DNAH9: variants seen among roughly 807,000 people sequenced by gnomAD.
DNAH9 encodes the protein DNAH9 variant protein.
DNAH9 carries 345 observed loss-of-function variants against 471.6 expected under a neutral mutation model. That is an observed-to-expected ratio of 0.73 (90% confidence interval 0.67 to 0.80). The LOEUF (loss-of-function observed/expected upper bound fraction) is 0.80. Among genes scored for constraint, DNAH9 ranks in the 30% least tolerant of loss-of-function variants. DNAH9 has a pLI of 0.00. For synonymous variants in DNAH9, 2,093 were observed against 2,123.6 expected, an observed-to-expected ratio of 0.99 and a Z score of 0.40; for missense variants, 5,407 against 5,609.2, an observed-to-expected ratio of 0.96 and a Z score of 1.15.
chr17:11,923,462 C>A (rs1019179782), intron 61 of DNAH9, among the ~76,000 whole-genome samples: 1 of 152,064 alleles, frequency 6.6e-6, no homozygotes, highest in African/African-American at 2.4e-5. Context: ...CAGGCGCCCA[C>A]CACCACGCCC....
Position 11,694,420 on chromosome 17 carries a change from C to T in DNAH9, c.4845C>T (p.Ile1615=), listed in dbSNP as rs992007665. ...TCTCCTCCTCCGATCTGTTAGACAT[C>T]CTTTCCAACGGCACAGCTCCACAAC... is the stretch of plus-strand genomic sequence containing the variant. The part of the protein sequence containing the change: ...YFLSSSDLLD[I]LSNGTAPQQV... Residue 1615 remains isoleucine, a synonymous_variant, in exon 22 of 69, where the codon ATC becomes ATT. Coordinates refer to ENST00000262442, the MANE Select transcript of DNAH9 (RefSeq NM_001372.4). The T allele has an allele frequency of 6.2e-7, 1 of 1,613,146 alleles. No individual in the cohort carries two copies. Among genetic ancestry groups the T allele is most frequent in the African/African-American group, 1.3e-5 (1 of 74,650 alleles).
intron 24 of DNAH9, among the ~76,000 whole-genome samples, chr17:11,703,948 G>A (rs1375507829): frequency 6.6e-6 from 1 of 152,192 alleles, no homozygotes; most frequent in Non-Finnish European, 1.5e-5. Context: ...CTTGATCAGA[G>A]TCAATCTTGG....
chr17:11,680,976 T>C, intron 19 of DNAH9, 87 bp downstream of exon 19: 1 of 1,247,454 alleles, frequency 8.0e-7, no homozygotes. Context: ...GTGTGTATTC[T>C]TCCAGCAGCT....
chr17:11,696,502 T>C (rs2018568), intron 22 of DNAH9, among the ~76,000 whole-genome samples: 1 of 151,910 alleles, frequency 6.6e-6, no homozygotes, highest in Non-Finnish European at 1.5e-5. Flanking sequence ...TGGATACATA[T>C]GTAGTCTTGT....
chr17:11,831,266 AGCT>A (rs1970676712), intron 48 of DNAH9, among the ~76,000 whole-genome samples: 1 of 152,172 alleles, frequency 6.6e-6, no homozygotes, highest in Non-Finnish European at 1.5e-5. Flanking sequence ...GAAGGCCTCA[AGCT>A]GCTTCTTTTC....
In DNAH9 at chr17:11,771,349, G is replaced by A. The variant is rs556490267; in HGVS notation, c.7552+2020G>A. On this transcript the variant is annotated intron_variant, in intron 38 of 68. Transcript: ENST00000262442. ...TCACCATGTTGGCCAGGCTGGTCTC[G>A]AACTCCTGACCTCAGGTGATCCACC... 5.9e-5 allele frequency among the ~76,000 whole-genome samples: 9 copies of A among 152,230 alleles called. No homozygotes were observed. In the East Asian group the frequency reaches 1.5e-3, roughly 26 times the overall value.
intron 26 of DNAH9, among the ~76,000 whole-genome samples, 162 bp from the exon 27 acceptor site, chr17:11,719,172 C>T (rs150982134): frequency 9.6e-4 from 146 of 152,120 alleles, no homozygotes; most frequent in African/African-American, 3.1e-3. Context: ...TGAGCTTGCC[C>T]GCTAAAGAGT....
At chr17:11,767,636 G>A (rs1968009751) in intron 36 of DNAH9, among the ~76,000 whole-genome samples, 1 of 151,938 alleles carries the variant, frequency 6.6e-6, no homozygotes, top group South Asian at 2.1e-4. Flanking sequence ...AGTTCAGTGT[G>A]TTTAAAGAAT....
intron 2 of DNAH9, 91 bp from the exon 3 acceptor site, chr17:11,610,305 G>A: frequency 2.0e-6 from 2 of 996,528 alleles, no homozygotes; most frequent in South Asian, 4.0e-5. Context: ...TTTAAATTTG[G>A]GATTCTGTCT....
intron 27 of DNAH9, among the ~76,000 whole-genome samples, chr17:11,723,961 C>G (rs1216977286): frequency 6.6e-6 from 1 of 152,204 alleles, no homozygotes; most frequent in Admixed American, 6.5e-5. Context: ...GCGTGAGCCA[C>G]TGTGCCCGGC....
At chr17:11,669,820 C>T (rs372298838) in intron 17 of DNAH9, 26 bp downstream of exon 17, 1 of 1,594,260 alleles carries the variant, frequency 6.3e-7, no homozygotes, top group Non-Finnish European at 8.6e-7. Context: ...TCACTTTCTT[C>T]CAGCATGCTA....
At chr17:11,689,094 C>CAAA (rs113884616) in intron 19 of DNAH9, among the ~76,000 whole-genome samples, 2 of 147,398 alleles carry the variant, frequency 1.4e-5, no homozygotes, top group African/African-American at 5.0e-5. Flanking sequence ...GACTCTGTCT[C>CAAA]AAAAAAAAAA....
intron 17 of DNAH9, among the ~76,000 whole-genome samples, chr17:11,674,907 C>T (rs903545776): frequency 6.6e-6 from 1 of 152,108 alleles, no homozygotes; most frequent in Non-Finnish European, 1.5e-5. Flanking sequence ...CTATATCTGG[C>T]AGGGCAGGTC....
chr17:11,764,803 G>A (rs1016629383), intron 36 of DNAH9, among the ~76,000 whole-genome samples: 3 of 152,154 alleles, frequency 2.0e-5, no homozygotes, highest in African/African-American at 7.2e-5. Context: ...ATAAGAGCAT[G>A]GAAGGGAACT....
At chr17:11,710,976 T>C (rs1408679662) in intron 26 of DNAH9, among the ~76,000 whole-genome samples, 1 of 152,214 alleles carries the variant, frequency 6.6e-6, no homozygotes, top group Non-Finnish European at 1.5e-5. Flanking sequence ...TTAAACTCTC[T>C]CATATATCAT....
intron 10 of DNAH9, among the ~76,000 whole-genome samples, chr17:11,643,313 A>G (rs1408638736): frequency 6.6e-6 from 1 of 152,126 alleles, no homozygotes; most frequent in Non-Finnish European, 1.5e-5. Flanking sequence ...TGTGTATTAC[A>G]TGTGCACATG....
At chr17:11,839,839 A>G (rs531473534) in intron 49 of DNAH9, among the ~76,000 whole-genome samples, 6 of 152,336 alleles carry the variant, frequency 3.9e-5, no homozygotes, top group African/African-American at 9.6e-5. Flanking sequence ...ACCACCTCAC[A>G]TAGTTATATT....
In DNAH9 at chr17:11,694,600, AGCTTTCTTGCTTTCTT is replaced by A. The variant is rs764975180; in HGVS notation, c.4872+185_4872+200del. ...CCCCCAGCATCATCACATACCTCGG[AGCTTTCTTGCTTTCTT>A]GCTTTCTTGCTTTCTTGCTTTCTTG... is the stretch of plus-strand genomic sequence containing the variant. On this transcript the variant is annotated intron_variant, in intron 22 of 68. Coordinates refer to ENST00000262442, the MANE Select transcript of DNAH9 (RefSeq NM_001372.4). 9.8e-3 allele frequency among the ~76,000 whole-genome samples: 1,079 copies of A among 109,908 alleles called. 290 individuals are homozygous for A. The highest frequency in any genetic ancestry group is 0.054 in the East Asian group (154 of 2,826). The allele number at this position is 109,908 out of a possible 152,430, so 72.1% of individuals were successfully genotyped here. A position where few individuals can be genotyped will look rare whatever the true frequency, so the allele number is the denominator to read the frequency against.
chr17:11,953,498 C>T (rs1975484224), intron 67 of DNAH9, among the ~76,000 whole-genome samples: 2 of 151,942 alleles, frequency 1.3e-5, no homozygotes, highest in Admixed American at 1.3e-4. Context: ...GGGCATAATC[C>T]ATCATGTTTG....
Sources: gnomAD v4.1 joint callset for allele counts (sites outside exome capture counted in the v4.1 genomes callset) on GRCh38, gnomAD v4.1.1 for gene constraint, MANE v1.5 for transcripts, NCBI Gene and HGNC (gene_info 2026-07-23, HGNC 2026-07-21) for gene names.